The following NCF1 variants were observed in gnomAD, a reference collection of about 807,000 sequenced individuals.
The protein encoded by NCF1 is neutrophil cytosolic factor 1, also known as neutrophil cytosol factor 1.
A neutral mutation model predicts 34.9 loss-of-function variants in NCF1; 8 were observed. The ratio of observed to expected loss-of-function variants is 0.23; its 90% confidence interval spans 0.13 to 0.41. The LOEUF is 0.41. Among genes scored for constraint, NCF1 ranks in the 10% least tolerant of loss-of-function variants. The probability of loss-of-function intolerance (pLI) is 1.00; values close to 1 mark genes in which losing one functional copy is unlikely to be tolerated. For synonymous variants in NCF1, 57 were observed against 146.3 expected (o/e 0.39, Z 4.41); for missense variants, 122 against 362.4 (o/e 0.34, Z 5.39).
chr7:74,785,741 G>A (rs1390340194), intron 8 of NCF1, among the ~76,000 whole-genome samples: 10 of 152,012 alleles, frequency 6.6e-5, no homozygotes, highest in Admixed American at 6.6e-4. Flanking sequence ...ACATGAGCCG[G>A]GTGTGGTGGT....
rs1471540493 is a variant in NCF1, at chr7:74,783,187, G to A, written c.574+126G>A. ...TCCGGCTCTGTTAGGGGCCCTAAATGTCCTCCCCACACTGTGGGTCGCCTT... is the reference window on the plus strand; with the variant it reads ...TCCGGCTCTGTTAGGGGCCCTAAATATCCTCCCCACACTGTGGGTCGCCTT... On this transcript the variant is annotated intron_variant, in intron 6 of 10. Transcript: ENST00000289473. The A allele has an allele frequency of 3.9e-6, 6 of 1,527,004 alleles. No individual in the cohort carries two copies. The African/African-American group carries it at 6.9e-5, about 18-fold the overall frequency. 94.6% of individuals were successfully genotyped at this position (1,527,004 alleles called of 1,614,324 possible).
chr7:74,788,664 C>G lies in NCF1; in HGVS notation c.1011C>G (p.Arg337=). 3 of 1,549,330 alleles carry G rather than the reference C, an allele frequency of 1.9e-6. No individual in the cohort carries two copies. The highest frequency in any genetic ancestry group is 2.3e-4 in the Middle Eastern group (1 of 4,364). ...TCCGTTTTCTGCAGCAGCGACGCCG[C>G]CAGGCGCGGCCGGGACCGCAGAGCC... ...NSVRFLQQRR[R]QARPGPQSPG... Residue 337 remains arginine, a synonymous_variant, in exon 10 of 11, where the codon CGC becomes CGG. Coordinates refer to ENST00000289473, the MANE Select transcript of NCF1 (RefSeq NM_000265.7).
At chr7:74,777,176 G>A (rs1563001966) in intron 1 of NCF1, 91 bp from the exon 2 acceptor site, 2 of 974,328 alleles carry the variant, frequency 2.1e-6, no homozygotes, top group Non-Finnish European at 3.2e-6. Flanking sequence ...AATCCTCTGG[G>A]CTTCCTCCAG....
chr7:74,786,228 C>T (rs1309488186), intron 8 of NCF1, among the ~76,000 whole-genome samples: 8 of 73,474 alleles, frequency 1.1e-4, no homozygotes, highest in Non-Finnish European at 2.4e-4. Flanking sequence ...GAGCAAGACC[C>T]TGTCTCAAAA....
At chr7:74,783,169 C>A in intron 6 of NCF1, 108 bp downstream of exon 6, 1 of 1,550,372 alleles carries the variant, frequency 6.5e-7, no homozygotes, top group Non-Finnish European at 8.7e-7. Context: ...GACTCCGGCT[C>A]TGTTAGGGGC....
intron 1 of NCF1, among the ~76,000 whole-genome samples, chr7:74,775,880 C>A (rs1299557908): frequency 6.7e-6 from 1 of 149,900 alleles, no homozygotes; most frequent in Non-Finnish European, 1.5e-5. Context: ...AATACAGGTG[C>A]GCGCCACCAT....
intron 8 of NCF1, among the ~76,000 whole-genome samples, chr7:74,786,315 T>C (rs1584375376): frequency 1.5e-5 from 2 of 137,218 alleles, no homozygotes; most frequent in East Asian, 4.5e-4. Flanking sequence ...ACTAATTATC[T>C]TTTTTCTGGT....
intron 8 of NCF1, chr7:74,785,666 T>C (rs1796657965): frequency 5.7e-6 from 2 of 349,818 alleles, no homozygotes; most frequent in Admixed American, 3.8e-5. Flanking sequence ...GACGATCATG[T>C]GAGGTCAGGA....
rs1796576631 is a variant in NCF1 at position 74,781,970 on chromosome 7, G to C, written c.452-969G>C. ...CACCCACACTGTAAGGTACTGGGTG[G>C]TTAGGACTTCAACATATGAATTTTG... On this transcript the variant is annotated intron_variant, in intron 5 of 10. Coordinates refer to ENST00000289473, the MANE Select transcript of NCF1 (RefSeq NM_000265.7). 2.6e-5 allele frequency among the ~76,000 whole-genome samples: 4 copies of C among 151,588 alleles called. No individual in the cohort carries two copies. The South Asian group carries it at 8.4e-4, about 32-fold the overall frequency.
In NCF1 at chr7:74,777,356, G is replaced by A. The variant is rs1293174509; in HGVS notation, c.153+9G>A. The stretch of plus-strand genomic sequence containing the variant: ...AGATCTACGAGTTCCATGTGAGTGT[G>A]GGGATGGAGGAGGGACAGGGACCCA... On this transcript the variant is annotated intron_variant, in intron 2 of 10. Transcript: ENST00000289473. The A allele has an allele frequency of 6.4e-6, 10 of 1,553,758 alleles. No homozygotes were observed. Among genetic ancestry groups the A allele is most frequent in the African/African-American group, 5.6e-5 (4 of 71,276 alleles).
In NCF1 at chr7:74,782,994, G is replaced by A. The variant is rs782264937; in HGVS notation, c.507G>A (p.Lys169=). The change falls in exon 6 of 11, where the codon AAG becomes AAA. Residue 169 remains lysine, a synonymous_variant. Transcript: ENST00000289473. ...ACCGCGCCATTGCCAACTACGAGAA[G>A]ACCTCGGGCTCCGAGATGGCTCTGT... ...QTYRAIANYE[K]TSGSEMALST... is the part of the protein sequence containing the mutation. 1 of 1,611,240 alleles carries A rather than the reference G, an allele frequency of 6.2e-7. No individual in the cohort carries two copies. Among genetic ancestry groups the A allele is most frequent in the Admixed American group, 1.7e-5 (1 of 59,972 alleles).
At chr7:74,783,161 C>T (rs782289015) in intron 6 of NCF1, 100 bp downstream of exon 6, 2 of 1,563,966 alleles carry the variant, frequency 1.3e-6, no homozygotes, top group African/African-American at 1.4e-5. Flanking sequence ...CCTGGGAGGA[C>T]TCCGGCTCTG....
Position 74,782,830 on chromosome 7 carries a change from A to G in NCF1, c.452-109A>G, listed in dbSNP as rs1584372737. 5.5e-6 allele frequency: 6 copies of G among 1,089,826 alleles called. No individual in the cohort carries two copies. The East Asian group carries it at 1.2e-4, about 22-fold the overall frequency. The allele number at this position is 1,089,826 out of a possible 1,614,324, so 67.5% of individuals were successfully genotyped here. ...GTGAGGCCGAAGCCTGGAGAACGCT[A>G]TGCGCCCAGGAAATGCAGGGCAGCA... On this transcript the variant is annotated intron_variant, in intron 5 of 10. Transcript: ENST00000289473.
chr7:74,775,988 C>T (rs1292747300), intron 1 of NCF1, among the ~76,000 whole-genome samples: 1 of 116,794 alleles, frequency 8.6e-6, no homozygotes, highest in Non-Finnish European at 1.8e-5. Flanking sequence ...ACTCTGTCAC[C>T]CAGGCTGGAG....
intron 2 of NCF1, chr7:74,777,620 G>A (rs587775181): frequency 6.0e-5 from 23 of 383,196 alleles, no homozygotes; most frequent in East Asian, 3.4e-4. Flanking sequence ...GTGCAGGGGC[G>A]CAATCATAGC....
At chr7:74,777,433 C>T (rs1796492731) in intron 2 of NCF1, 86 bp downstream of exon 2, 2 of 1,080,800 alleles carry the variant, frequency 1.9e-6, no homozygotes, top group Admixed American at 2.1e-5. Flanking sequence ...GATGGGGAAA[C>T]TGCAGAACCC....
At chr7:74,786,419 A>AT (rs1485636952) in intron 8 of NCF1, among the ~76,000 whole-genome samples, 7 of 150,360 alleles carry the variant, frequency 4.7e-5, no homozygotes, top group Non-Finnish European at 8.9e-5. Flanking sequence ...TTTTTTACGA[A>AT]TTTTTTCATT....
chr7:74,777,114 C>T (rs1393641077), intron 1 of NCF1, among the ~76,000 whole-genome samples, 153 bp from the exon 2 acceptor site: 1 of 150,884 alleles, frequency 6.6e-6, no homozygotes, highest in East Asian at 2.0e-4. Context: ...CTTGGGTCCA[C>T]GTTTGTGCCC....
At chr7:74,787,451 G>A (rs1407988599) in intron 8 of NCF1, among the ~76,000 whole-genome samples, 8 of 152,194 alleles carry the variant, frequency 5.3e-5, no homozygotes, top group Non-Finnish European at 7.4e-5. Context: ...GGGGTTGGGC[G>A]GGGGAAAAGC....
Sources: allele counts gnomAD v4.1 joint callset (sites outside exome capture counted in the v4.1 genomes callset), GRCh38; gene constraint gnomAD v4.1.1; transcripts MANE v1.5; gene names NCBI Gene and HGNC (gene_info 2026-07-23, HGNC 2026-07-21).